MIA: variants seen among roughly 807,000 people sequenced by gnomAD.
MIA encodes melanoma-derived growth regulatory protein.
In MIA, 18 loss-of-function variants were observed where a neutral mutation model predicts 18.5. The observed-to-expected ratio is 0.97, with a 90% CI of 0.67 to 1.44. The LOEUF is 1.44. Ranked by LOEUF, MIA falls within the 40% of genes most tolerant of loss-of-function variation. The probability of loss-of-function intolerance (pLI) is 0.00; values close to 1 mark genes in which losing one functional copy is unlikely to be tolerated. For missense variants in MIA, 158 were observed against 172.4 expected (o/e 0.92, Z 0.47); for synonymous variants, 55 against 64.9 (o/e 0.85, Z 0.74).
intron 2 of MIA, 27 bp from the exon 3 acceptor site, chr19:40,776,942 C>T (rs1222423153): frequency 1.9e-6 from 3 of 1,553,644 alleles, no homozygotes; most frequent in Non-Finnish European, 2.7e-6. Flanking sequence ...TCTTCCCAGA[C>T]CCTAGCTTTT....
At chr19:40,776,779 T>C in intron 2 of MIA, 190 bp from the exon 3 acceptor site, 1 of 528,066 alleles carries the variant, frequency 1.9e-6, no homozygotes, top group Non-Finnish European at 3.4e-6. Context: ...TATGCGCTGC[T>C]GTGAGAATTA....
chr19:40,775,621 A>G lies in MIA; in HGVS notation c.79A>G (p.Met27Val), dbSNP rs752523263. ...CGGACCTGGTGTCAGGGGTGGTCCT[A>G]TGCCCAAGCTGGCTGACCGGAAGCT... ...FSGPGVRGGP[M>V]PKLADRKLCA... The change falls in exon 1 of 4, where the codon ATG becomes GTG. Residue 27 changes from methionine to valine, a missense_variant. Coordinates refer to ENST00000263369, the MANE Select transcript of MIA (RefSeq NM_006533.4). 8 of 1,614,100 alleles carry G rather than the reference A, an allele frequency of 5.0e-6. No individual in the cohort carries two copies. The highest frequency in any genetic ancestry group is 4.4e-5 in the South Asian group (4 of 91,078).
upstream of MIA, chr19:40,775,468 A>C: frequency 3.7e-6 from 6 of 1,604,416 alleles, no homozygotes; most frequent in South Asian, 6.6e-5. Context: ...GTTTCCTTGT[A>C]CTACGGGAGA....
chr19:40,775,896 G>A lies in MIA; in HGVS notation c.261+11G>A, dbSNP rs2082992637. The A allele has an allele frequency of 1.2e-6, 2 of 1,613,634 alleles. No homozygotes were observed. The highest frequency in any genetic ancestry group is 8.5e-7 in the Non-Finnish European group (1 of 1,179,868). ...TTCTGGGGAGGCAGCGTGAGTCTTG[G>A]GAGAGTGAAAGAGGGAAGGGTACAG... On this transcript the variant is annotated intron_variant, in intron 2 of 3. Transcript: ENST00000263369.
At chr19:40,776,226 C>A (rs1224813701) in intron 2 of MIA, among the ~76,000 whole-genome samples, 1 of 151,986 alleles carries the variant, frequency 6.6e-6, no homozygotes, top group Non-Finnish European at 1.5e-5. Flanking sequence ...AGGGTTTTAC[C>A]ATATTGGCCA....
At chr19:40,775,911 G>A (rs1440816609) in intron 2 of MIA, 26 bp downstream of exon 2, 1 of 1,613,496 alleles carries the variant, frequency 6.2e-7, no homozygotes, top group South Asian at 1.1e-5. Flanking sequence ...GTGAAAGAGG[G>A]AAGGGTACAG....
chr19:40,775,655 A>T lies in MIA; in HGVS notation c.113A>T (p.Asp38Val). 2 of 1,614,090 alleles carry T rather than the reference A, an allele frequency of 1.2e-6. No homozygotes were observed. The highest frequency in any genetic ancestry group is 8.5e-7 in the Non-Finnish European group (1 of 1,180,020). ...PKLADRKLCADQECSHPISMA... is the reference protein window; with the variant it reads ...PKLADRKLCAVQECSHPISMA... ...CTGGCTGACCGGAAGCTGTGTGCGG[A>T]CCAGGAGTGCAGCCGTAAGAATGGG... Residue 38 changes from aspartate to valine, a missense_variant, in exon 1 of 4, where the codon GAC (aspartate) becomes GTC (valine). Asp to Val is a radical substitution (Grantham distance 152). Coordinates refer to ENST00000263369, the MANE Select transcript of MIA (RefSeq NM_006533.4).
chr19:40,775,441 C>T (rs2233154), upstream of MIA: 126,803 of 1,570,444 alleles, frequency 0.081, 6,034 homozygotes, highest in East Asian at 0.21. Flanking sequence ...AGGGCGGGGA[C>T]AAGACCAAGA....
chr19:40,775,466 G>A, upstream of MIA: 1 of 1,602,914 alleles, frequency 6.2e-7, no homozygotes, highest in Non-Finnish European at 8.5e-7. Context: ...AAGTTTCCTT[G>A]TACTACGGGA....
chr19:40,775,729 A>G (rs1206296963), intron 1 of MIA, 23 bp from the exon 2 acceptor site: 1 of 1,613,994 alleles, frequency 6.2e-7, no homozygotes, highest in Non-Finnish European at 8.5e-7. Flanking sequence ...AGGGTGCTGC[A>G]TTCCCTTCTA....
upstream of MIA, chr19:40,775,307 G>A: frequency 1.7e-6 from 1 of 574,684 alleles, no homozygotes. Flanking sequence ...CACTGGGAAA[G>A]TTGTGAGCTG....
At chr19:40,775,459 T>C, upstream of MIA, 1 of 1,593,468 alleles carries the variant, frequency 6.3e-7, no homozygotes, top group Non-Finnish European at 8.6e-7. Context: ...AGAACACAAG[T>C]TTCCTTGTAC....
chr19:40,777,347 T>TG (rs2083005449), intron 3 of MIA, 50 bp from the exon 4 acceptor site: 1 of 1,607,236 alleles, frequency 6.2e-7, no homozygotes, highest in African/African-American at 1.3e-5. Flanking sequence ...AGATCCTTTG[T>TG]GGTGTGACCG....
Position 40,777,445 on chromosome 19 carries a change from G to A in MIA, c.*25G>A, listed in dbSNP as rs762232080. 2 of 1,581,062 alleles carry A rather than the reference G, an allele frequency of 1.3e-6. No individual in the cohort carries two copies. Among genetic ancestry groups the A allele is most frequent in the Non-Finnish European group, 1.7e-6 (2 of 1,160,134 alleles). ...AGCTCAGCCTACCGCTGGCCCTGCC[G>A]TTTCCCCTCCTTGGCTTTATGCAAA... is the stretch of plus-strand genomic sequence containing the variant. On this transcript the variant is annotated 3_prime_UTR_variant, in exon 4 of 4. Coordinates refer to ENST00000263369, the MANE Select transcript of MIA (RefSeq NM_006533.4).
upstream of MIA, chr19:40,775,419 T>C (rs530529866): frequency 1.2e-4 from 176 of 1,473,144 alleles, no homozygotes; most frequent in Non-Finnish European, 1.5e-4. Context: ...GGGCGAAGTT[T>C]GGGACTGGTT....
In MIA at chr19:40,776,958, C is replaced by A; in HGVS notation, c.262-11C>A. Reference sequence around the variant, plus strand: ...CTTCCCAGACCCTAGCTTTTAACTCCTCTTCCCCAGGTTCAGGGAGATTAC... The same window carrying A: ...CTTCCCAGACCCTAGCTTTTAACTCATCTTCCCCAGGTTCAGGGAGATTAC... On this transcript the variant is annotated splice_polypyrimidine_tract_variant and intron_variant, in intron 2 of 3. Coordinates refer to ENST00000263369, the MANE Select transcript of MIA (RefSeq NM_006533.4). 1 of 1,603,458 alleles carries A rather than the reference C, an allele frequency of 6.2e-7. No homozygotes were observed. The highest frequency in any genetic ancestry group is 8.5e-7 in the Non-Finnish European group (1 of 1,171,740).
chr19:40,776,773 C>T (rs1052376530), intron 2 of MIA, 196 bp from the exon 3 acceptor site: 3 of 504,652 alleles, frequency 5.9e-6, no homozygotes, highest in Middle Eastern at 5.1e-4. Flanking sequence ...AGCAAATATG[C>T]GCTGCTGTGA....
upstream of MIA, chr19:40,775,361 C>A (rs1599733912): frequency 1.1e-6 from 1 of 951,382 alleles, no homozygotes; most frequent in Non-Finnish European, 1.6e-6. Context: ...ACAGCCTTTA[C>A]CCTATCCTTG....
chr19:40,776,090 G>A (rs181392295), intron 2 of MIA, among the ~76,000 whole-genome samples: 143 of 151,156 alleles, frequency 9.5e-4, no homozygotes, highest in African/African-American at 3.3e-3. Flanking sequence ...GCAATGGCAC[G>A]ATCTCGGCTC....
Sources: gnomAD v4.1 joint callset for allele counts (sites outside exome capture counted in the v4.1 genomes callset) on GRCh38, gnomAD v4.1.1 for gene constraint, MANE v1.5 for transcripts, NCBI Gene and HGNC (gene_info 2026-07-23, HGNC 2026-07-21) for gene names.